The following COPG2 variants were observed in gnomAD, a reference collection of about 807,000 sequenced individuals.
The protein encoded by COPG2 is coat protein complex I subunit gamma 2, also known as coatomer subunit gamma-2.
Under a neutral mutation model 46.3 loss-of-function variants are expected in COPG2, and 37 were observed. The ratio of observed to expected loss-of-function variants is 0.80; its 90% CI spans 0.61 to 1.05. The LOEUF (loss-of-function observed/expected upper bound fraction) is 1.05, where lower values mean the gene tolerates loss of function less well. COPG2 is among the 50% of genes least tolerant of loss of function. The probability of loss-of-function intolerance (pLI) is 0.00; values close to 1 mark genes in which losing one functional copy is unlikely to be tolerated. For synonymous variants in COPG2, 159 were observed against 129.7 expected (o/e 1.23, Z -1.53); for missense variants, 427 against 387.8 (o/e 1.10, Z -0.85).
At chr7:130,662,740 T>C (rs1796002407) in intron 4 of COPG2, among the ~76,000 whole-genome samples, 1 of 152,210 alleles carries the variant, frequency 6.6e-6, no homozygotes. Context: ...AAGCTAGGTA[T>C]TAACAGTCTT....
chr7:130,668,687 GC>G lies in COPG2; in HGVS notation c.-20del. 1 of 1,528,206 alleles carries G rather than the reference GC, an allele frequency of 6.5e-7. No individual in the cohort carries two copies. The highest frequency in any genetic ancestry group is 8.8e-7 in the Non-Finnish European group (1 of 1,138,900). The allele number at this position is 1,528,206 out of a possible 1,614,324, so 94.7% of individuals were successfully genotyped here. A position where few individuals can be genotyped will look rare whatever the true frequency, so the allele number is the denominator to read the frequency against. On this transcript the variant is annotated 5_prime_UTR_variant, in exon 1 of 24. Transcript: ENST00000425248. ...TAATCATCTTGGACGACTTCCCAGCGCCCAGACCCACCGCAACCGTCCCAGG... is the reference window on the plus strand; with the variant it reads ...TAATCATCTTGGACGACTTCCCAGCGCCAGACCCACCGCAACCGTCCCAGG...
At chr7:130,538,151 G>A (rs892066188) in intron 20 of COPG2, among the ~76,000 whole-genome samples, 3 of 152,124 alleles carry the variant, frequency 2.0e-5, no homozygotes, top group Admixed American at 6.5e-5. Context: ...TTGACCTGGC[G>A]GAGACAGGGC....
intron 5 of COPG2, among the ~76,000 whole-genome samples, chr7:130,651,536 G>T (rs71579300): frequency 1.9e-5 from 2 of 107,298 alleles, no homozygotes. Context: ...TTGAGACGGA[G>T]TCTCGCTCTG....
intron 5 of COPG2, among the ~76,000 whole-genome samples, chr7:130,646,466 AT>A (rs149616201): frequency 0.021 from 3,217 of 152,286 alleles, 91 homozygotes; most frequent in African/African-American, 0.065. Context: ...TTTTAGCAGA[AT>A]TGATGTTGCT....
chr7:130,595,092 G>C (rs1338101551), intron 9 of COPG2, among the ~76,000 whole-genome samples: 2 of 152,064 alleles, frequency 1.3e-5, no homozygotes, highest in Non-Finnish European at 2.9e-5. Context: ...TTCATTAATA[G>C]CCAAAAAATG....
Position 130,652,959 on chromosome 7 carries a change from A to G in COPG2, c.244-11T>C. On this transcript the variant is annotated splice_polypyrimidine_tract_variant and intron_variant, in intron 4 of 23. Transcript: ENST00000425248. ...TCTCCTCAATGTTTGCTGAAAAATC[A>G]TTTATAAAAGGTAACAGATTATTGA... 6.4e-7 allele frequency: 1 copy of G among 1,564,952 alleles called. No individual in the cohort carries two copies.
At chr7:130,537,655 G>A (rs1038115628) in intron 20 of COPG2, among the ~76,000 whole-genome samples, 5 of 152,220 alleles carry the variant, frequency 3.3e-5, no homozygotes, top group Non-Finnish European at 5.9e-5. Context: ...AGGTTATGGA[G>A]GCCAGCAGCT....
chr7:130,641,668 A>G (rs1389923106), intron 5 of COPG2, among the ~76,000 whole-genome samples: 1 of 152,240 alleles, frequency 6.6e-6, no homozygotes, highest in East Asian at 1.9e-4. Flanking sequence ...AAGTCATAAT[A>G]GTATCTCATT....
intron 20 of COPG2, chr7:130,511,435 A>G (rs1554440993): frequency 1.9e-6 from 1 of 520,010 alleles, no homozygotes; most frequent in African/African-American, 1.9e-5. Flanking sequence ...TGCCAAAATA[A>G]GCAATACACA....
In COPG2 at chr7:130,563,275, C is replaced by A; in HGVS notation, c.933G>T (p.Leu311Phe). ...TTAGCAAAGAAACACCTACCTTGTT[C>A]AAGGTCCTCACAGCTGCATATCTCA... The part of the protein sequence containing the change: ...PALRYAAVRT[L>F]NKVAMKHPSA... The change falls in exon 11 of 24, where the codon TTG becomes TTT. Residue 311 changes from leucine (L) to phenylalanine (F), a missense_variant. By Grantham distance (22) the Leu-to-Phe change is conservative (BLOSUM62 0). Coordinates refer to ENST00000425248, the MANE Select transcript of COPG2 (RefSeq NM_012133.6). 1 of 398,086 alleles carries A rather than the reference C, an allele frequency of 2.5e-6. No individual in the cohort carries two copies. Among genetic ancestry groups the A allele is most frequent in the South Asian group, 1.3e-4 (1 of 7,834 alleles). The allele number at this position is 398,086 out of a possible 1,614,324, so 24.7% of individuals were successfully genotyped here. A position where few individuals can be genotyped will look rare whatever the true frequency, so the allele number is the denominator to read the frequency against.
chr7:130,534,667 G>A (rs1799861522), intron 20 of COPG2, among the ~76,000 whole-genome samples: 2 of 151,978 alleles, frequency 1.3e-5, no homozygotes, highest in Non-Finnish European at 2.9e-5. Flanking sequence ...GGCAAGAGTG[G>A]AGGAAAGGTA....
At chr7:130,623,961 TATAAACA>T (rs137992073) in intron 5 of COPG2, among the ~76,000 whole-genome samples, 499 of 152,350 alleles carry the variant, frequency 3.3e-3, no homozygotes, top group African/African-American at 0.011. Context: ...CTAGGTTTCT[TATAAACA>T]ATAAACATTT....
In COPG2 at chr7:130,555,061, G is replaced by T; in HGVS notation, c.1200C>A (p.Phe400Leu). The T allele has an allele frequency of 5.0e-6, 2 of 398,488 alleles. No homozygotes were observed. Among genetic ancestry groups the T allele is most frequent in the Non-Finnish European group, 8.8e-6 (2 of 226,014 alleles). 24.7% of individuals were successfully genotyped at this position (398,488 alleles called of 1,614,324 possible). The stretch of plus-strand genomic sequence containing the variant: ...CATCATCTCGGAGCATGTTGGAGAG[G>T]AAAGTCATCATGACACTGTGCTTTC... ...YPRKHSVMMT[F>L]LSNMLRDDGG... The change falls in exon 13 of 24, where the codon TTC becomes TTA. Residue 400 changes from phenylalanine (F) to leucine (L), a missense_variant. Phe to Leu is a conservative substitution (Grantham distance 22). Coordinates refer to ENST00000425248, the MANE Select transcript of COPG2 (RefSeq NM_012133.6).
chr7:130,588,262 G>T (rs1419266807), intron 9 of COPG2, among the ~76,000 whole-genome samples: 2 of 151,896 alleles, frequency 1.3e-5, no homozygotes, highest in Non-Finnish European at 2.9e-5. Flanking sequence ...TCTAGAATTA[G>T]AAATACCATT....
intron 15 of COPG2, among the ~76,000 whole-genome samples, chr7:130,552,085 A>G (rs1206495558): frequency 3.3e-5 from 5 of 152,200 alleles, no homozygotes; most frequent in East Asian, 1.9e-4. Flanking sequence ...AGCTCTATAA[A>G]TAAGAGTGAG....
At chr7:130,555,910 G>C (rs1793615760) in intron 12 of COPG2, among the ~76,000 whole-genome samples, 1 of 152,192 alleles carries the variant, frequency 6.6e-6, no homozygotes, top group Admixed American at 6.5e-5. Flanking sequence ...TACCCTGCTT[G>C]TGGCTAACAA....
chr7:130,573,821 T>G (rs1421860101), intron 9 of COPG2, among the ~76,000 whole-genome samples: 4 of 152,160 alleles, frequency 2.6e-5, no homozygotes, highest in Non-Finnish European at 4.4e-5. Flanking sequence ...CCACAATGGT[T>G]GAACTAATTT....
intron 20 of COPG2, chr7:130,509,712 C>T (rs1330821689): frequency 7.7e-6 from 4 of 519,512 alleles, no homozygotes; most frequent in East Asian, 5.4e-5. Flanking sequence ...TGATCTCTGT[C>T]TCTAGGAGCT....
chr7:130,563,774 G>GAAAA (rs1341758494), intron 10 of COPG2, among the ~76,000 whole-genome samples: 1 of 87,984 alleles, frequency 1.1e-5, no homozygotes, highest in Non-Finnish European at 2.2e-5. Context: ...AAAAAAAAAA[G>GAAAA]AAAAAAAAAA....
Sources: gnomAD v4.1 joint callset for allele counts (sites outside exome capture counted in the v4.1 genomes callset) on GRCh38, gnomAD v4.1.1 for gene constraint, MANE v1.5 for transcripts, NCBI Gene and HGNC (gene_info 2026-07-23, HGNC 2026-07-21) for gene names.